The following MROH9 variants were observed in gnomAD, a reference collection of about 807,000 sequenced individuals.
The protein encoded by MROH9 is maestro heat like repeat family member 9, also known as maestro heat-like repeat-containing protein family member 9.
Under a neutral mutation model 98.2 loss-of-function variants are expected in MROH9, and 92 were observed. The observed-to-expected ratio is 0.94, with a 90% confidence interval of 0.79 to 1.11. The LOEUF (loss-of-function observed/expected upper bound fraction) is 1.11. MROH9 is among the 50% of genes most tolerant of loss of function. The pLI is 0.00. For synonymous variants in MROH9, 397 were observed against 368.9 expected (o/e 1.08, Z -0.87); for missense variants, 1,057 against 1,014.8 (o/e 1.04, Z -0.57).
chr1:171,023,097 T>C (rs916613499), intron 17 of MROH9, among the ~76,000 whole-genome samples: 23 of 152,190 alleles, frequency 1.5e-4, no homozygotes, highest in African/African-American at 5.3e-4. Flanking sequence ...CATGGGAGGA[T>C]TGCTTGAGCC....
Position 171,024,330 on chromosome 1 carries a change from G to GTA in MROH9, c.1909-64_1909-63dup, listed in dbSNP as rs558371736. On this transcript the variant is annotated intron_variant, in intron 17 of 21. Coordinates refer to ENST00000367759, the MANE Select transcript of MROH9 (RefSeq NM_001163629.2). ...TGTGTGTGTGTGTGTGTGTGTGTGTGTAGATTACTGATTGAAGAAAAAAGC... is the reference window on the plus strand; with the variant it reads ...TGTGTGTGTGTGTGTGTGTGTGTGTGTATAGATTACTGATTGAAGAAAAAAGC... The GTA allele has an allele frequency of 2.3e-5, 26 of 1,143,488 alleles. No individual in the cohort carries two copies. The East Asian group carries it at 6.4e-4, about 28-fold the overall frequency. 70.8% of individuals were successfully genotyped at this position (1,143,488 alleles called of 1,614,324 possible). A position where few individuals can be genotyped will look rare whatever the true frequency, so the allele number is the denominator to read the frequency against.
Position 171,030,253 on chromosome 1 carries a change from GT to G in MROH9, c.2281+4840del, listed in dbSNP as rs931798640. ...TGAAAAACCAGCTCCTGGATTTATT[GT>G]TTTTTTGGAGGGCTTTTCGTGTCTC... On this transcript the variant is annotated intron_variant, in intron 20 of 21. Transcript: ENST00000367759. Among the ~76,000 whole-genome samples the G allele has an allele frequency of 2.0e-5, 3 of 151,586 alleles. No individual in the cohort carries two copies. The East Asian group carries it at 5.8e-4, about 29-fold the overall frequency.
At chr1:170,982,121 G>A (rs1031406390) in intron 8 of MROH9, among the ~76,000 whole-genome samples, 11 of 152,054 alleles carry the variant, frequency 7.2e-5, no homozygotes, top group Non-Finnish European at 1.5e-4. Context: ...GCAATTGTTC[G>A]TACAAACACT....
chr1:170,936,982 G>C (rs1373816082), intron 1 of MROH9, among the ~76,000 whole-genome samples: 2 of 152,174 alleles, frequency 1.3e-5, no homozygotes, highest in East Asian at 3.8e-4. Flanking sequence ...CATGTTTTAT[G>C]ACTTGAGTTT....
chr1:170,947,523 C>A lies in MROH9; in HGVS notation c.26-4C>A. ...TTTTAACGAATCTCCTTCTTTCTGG[C>A]TAGAGAGTAGTCTCCAGATTCTGCA... On this transcript the variant is annotated splice_polypyrimidine_tract_variant and splice_region_variant and intron_variant, in intron 2 of 21. Coordinates refer to ENST00000367759, the MANE Select transcript of MROH9 (RefSeq NM_001163629.2). 1 of 1,609,990 alleles carries A rather than the reference C, an allele frequency of 6.2e-7. No homozygotes were observed. Among genetic ancestry groups the A allele is most frequent in the Non-Finnish European group, 8.5e-7 (1 of 1,176,958 alleles).
chr1:170,937,736 G>T (rs927995054), intron 1 of MROH9, among the ~76,000 whole-genome samples: 1 of 151,730 alleles, frequency 6.6e-6, no homozygotes, highest in Non-Finnish European at 1.5e-5. Context: ...TTTTAGCCGG[G>T]ATGGTCTCGA....
chr1:171,015,170 C>T (rs1652285887), intron 16 of MROH9: 1 of 416,574 alleles, frequency 2.4e-6, no homozygotes, highest in Admixed American at 2.6e-5. Flanking sequence ...GAACTGAAGC[C>T]TATCAGTGGA....
intron 5 of MROH9, among the ~76,000 whole-genome samples, chr1:170,961,187 C>A (rs1650004908): frequency 1.3e-5 from 2 of 152,110 alleles, no homozygotes; most frequent in African/African-American, 4.8e-5. Context: ...AAAATATATT[C>A]ATGTTATTAC....
At chr1:171,003,594 C>A (rs1055811494) in intron 15 of MROH9, among the ~76,000 whole-genome samples, 1 of 152,152 alleles carries the variant, frequency 6.6e-6, no homozygotes, top group Non-Finnish European at 1.5e-5. Context: ...GTGATGTGAA[C>A]CATTTTTGGG....
intron 8 of MROH9, among the ~76,000 whole-genome samples, chr1:170,976,891 A>G (rs939296550): frequency 1.3e-5 from 2 of 152,036 alleles, no homozygotes; most frequent in African/African-American, 2.4e-5. Flanking sequence ...TGGCCTCTTT[A>G]TATAATCTTG....
chr1:171,026,689 TA>T (rs753239470), intron 20 of MROH9, among the ~76,000 whole-genome samples: 47 of 151,982 alleles, frequency 3.1e-4, no homozygotes, highest in Non-Finnish European at 6.5e-4. Context: ...TAAGTAATTT[TA>T]AAAAAGAAAC....
intron 20 of MROH9, among the ~76,000 whole-genome samples, chr1:171,050,114 A>G (rs1034533753): frequency 2.0e-5 from 3 of 150,366 alleles, no homozygotes; most frequent in African/African-American, 7.4e-5. Flanking sequence ...TATTTCTTTC[A>G]CTGTGCAGAA....
At chr1:170,973,393 G>C (rs939704616) in intron 8 of MROH9, among the ~76,000 whole-genome samples, 4 of 151,676 alleles carry the variant, frequency 2.6e-5, no homozygotes, top group Non-Finnish European at 2.9e-5. Flanking sequence ...GTCTCATTAG[G>C]AGAAAAAAAA....
intron 20 of MROH9, among the ~76,000 whole-genome samples, chr1:171,058,702 C>T (rs1653925255): frequency 6.6e-6 from 1 of 152,196 alleles, no homozygotes; most frequent in African/African-American, 2.4e-5. Context: ...ACATCTACAA[C>T]CATCTGACCT....
chr1:171,064,075 C>T, intron 21 of MROH9, 24 bp from the exon 22 acceptor site: 1 of 1,516,668 alleles, frequency 6.6e-7, no homozygotes, highest in Non-Finnish European at 8.8e-7. Context: ...ATAACTTGAA[C>T]TAAAGTCTCT....
chr1:170,936,296 G>C (rs1235770205), intron 1 of MROH9, among the ~76,000 whole-genome samples: 1 of 152,162 alleles, frequency 6.6e-6, no homozygotes, highest in Non-Finnish European at 1.5e-5. Flanking sequence ...GAGAGCAAGA[G>C]AGTTGATGAT....
At chr1:170,980,027 C>T (rs1650869203) in intron 8 of MROH9, among the ~76,000 whole-genome samples, 1 of 152,028 alleles carries the variant, frequency 6.6e-6, no homozygotes, top group Non-Finnish European at 1.5e-5. Context: ...ATACAGCTAA[C>T]AAAGGATGTG....
chr1:170,959,342 TC>T, intron 4 of MROH9, 119 bp from the exon 5 acceptor site: 2 of 932,202 alleles, frequency 2.1e-6, no homozygotes, highest in South Asian at 4.2e-5. Flanking sequence ...ACCACTGCAC[TC>T]CAGCCTGGGT....
At chr1:170,945,673 T>A (rs768452809) in intron 2 of MROH9, 92 bp downstream of exon 2, 1 of 1,103,698 alleles carries the variant, frequency 9.1e-7, no homozygotes, top group Non-Finnish European at 1.3e-6. Flanking sequence ...AACCTATACA[T>A]CATTCTGTAA....
Sources: gnomAD v4.1 joint callset for allele counts (sites outside exome capture counted in the v4.1 genomes callset) on GRCh38, gnomAD v4.1.1 for gene constraint, MANE v1.5 for transcripts, NCBI Gene and HGNC (gene_info 2026-07-23, HGNC 2026-07-21) for gene names.